Variants in PTGER4 observed in about 807,000 individuals in gnomAD.
The protein encoded by PTGER4 is prostaglandin E2 receptor EP4 subtype.
Under a neutral mutation model 33.2 loss-of-function variants are expected in PTGER4, and 11 were observed. The observed-to-expected ratio is 0.33, with a 90% CI of 0.21 to 0.55. The LOEUF (loss-of-function observed/expected upper bound fraction) is 0.55, where lower values mean the gene tolerates loss of function less well. Among genes scored for constraint, PTGER4 ranks in the 20% least tolerant of loss-of-function variants. The pLI, the probability that PTGER4 is intolerant of heterozygous loss-of-function variation, is 0.92. For missense variants in PTGER4, 481 were observed against 650.2 expected (o/e 0.74, Z 2.83); for synonymous variants, 275 against 281.5 (o/e 0.98, Z 0.23).
At chr5:40,726,646 T>C in the PTGER4 span, among the ~76,000 whole-genome samples, 2 of 152,014 alleles carry the variant, frequency 1.3e-5, no homozygotes, top group Non-Finnish European at 2.9e-5. Flanking sequence ...GGTACTCTTA[T>C]TCAAAAAAAT....
chr5:40,695,079 C>T (rs1236380566), downstream of PTGER4, among the ~76,000 whole-genome samples: 1 of 142,150 alleles, frequency 7.0e-6, no homozygotes, highest in East Asian at 2.5e-4. Flanking sequence ...CCGATTAGAT[C>T]AAGTGTGTTA....
downstream of PTGER4, among the ~76,000 whole-genome samples, chr5:40,697,151 A>T (rs1006001212): frequency 7.7e-6 from 1 of 130,716 alleles, no homozygotes; most frequent in Non-Finnish European, 1.7e-5. Flanking sequence ...GGAAAGAAAG[A>T]GAAAGAAAGA....
rs149023642 is a variant in PTGER4 at position 40,685,946 on chromosome 5, T to TA, written c.867+4095dup. 5.1e-3 allele frequency among the ~76,000 whole-genome samples: 763 copies of TA among 151,066 alleles called. 9 individuals are homozygous for TA. The highest frequency in any genetic ancestry group is 7.1e-3 in the South Asian group (34 of 4,756). ...TGTGAGAGCTTTAAAAACAAACAAA[T>TA]AAAAAAAAACAGAAACTTTCAGTGT... On this transcript the variant is annotated intron_variant, in intron 2 of 2. Transcript: ENST00000302472.
rs1741505974 is a variant in PTGER4, at chr5:40,692,707, T to C, written c.*329T>C. 9.5e-7 allele frequency: 1 copy of C among 1,057,304 alleles called. No homozygotes were observed. Among genetic ancestry groups the C allele is most frequent in the Non-Finnish European group, 1.1e-6 (1 of 874,876 alleles). 65.5% of individuals were successfully genotyped at this position (1,057,304 alleles called of 1,614,324 possible). A position where few individuals can be genotyped will look rare whatever the true frequency, so the allele number is the denominator to read the frequency against. On this transcript the variant is annotated 3_prime_UTR_variant, in exon 3 of 3. Transcript: ENST00000302472. The stretch of plus-strand genomic sequence containing the variant: ...CATAACATCCAGAGCTTTGTCGTAT[T>C]TGGCACACAGCAGAGGCCCAGATAT...
chr5:40,720,386 A>G, the PTGER4 span, among the ~76,000 whole-genome samples: 3 of 152,184 alleles, frequency 2.0e-5, no homozygotes, highest in African/African-American at 7.2e-5. Flanking sequence ...TTTCAGTTCT[A>G]TCCCACTGAT....
Position 40,692,533 on chromosome 5 carries a change from A to C in PTGER4, c.*155A>C. The C allele has an allele frequency of 7.0e-7, 1 of 1,434,484 alleles. No homozygotes were observed. Among genetic ancestry groups the C allele is most frequent in the Non-Finnish European group, 9.1e-7 (1 of 1,099,412 alleles). The allele number at this position is 1,434,484 out of a possible 1,614,324, so 88.9% of individuals were successfully genotyped here. The stretch of plus-strand genomic sequence containing the variant: ...CTGGCTTTTGAGCACTTTTCAAACA[A>C]TCAAGTTGACTCACGTGGGTCCTGA... On this transcript the variant is annotated 3_prime_UTR_variant, in exon 3 of 3. Transcript: ENST00000302472.
At position 40,693,083 on chromosome 5, in the gene PTGER4, A is replaced by T; in HGVS notation, c.*705A>T. On this transcript the variant is annotated 3_prime_UTR_variant, in exon 3 of 3. Transcript: ENST00000302472. ...GATAAAGAAAAAAATACTATTTAAG[A>T]TGTGAAAATTACAGTCCAAAATACT... 1 of 932,152 alleles carries T rather than the reference A, an allele frequency of 1.1e-6. No homozygotes were observed. 57.7% of individuals were successfully genotyped at this position (932,152 alleles called of 1,614,324 possible).
chr5:40,681,234 A>T lies in PTGER4; in HGVS notation c.241A>T (p.Met81Leu), dbSNP rs377709289. 1 of 1,614,020 alleles carries T rather than the reference A, an allele frequency of 6.2e-7. No individual in the cohort carries two copies. Among genetic ancestry groups the T allele is most frequent in the Non-Finnish European group, 8.5e-7 (1 of 1,180,038 alleles). The stretch of plus-strand genomic sequence containing the variant: ...GAGCCCGGTGACCATCGCCACGTAC[A>T]TGAAGGGCCAATGGCCCGGGGGCCA... ...LVSPVTIATY[M>L]KGQWPGGQPL... Residue 81 changes from methionine (M) to leucine (L), a missense_variant, in exon 2 of 3, where the codon ATG (methionine) becomes TTG (leucine). Coordinates refer to ENST00000302472, the MANE Select transcript of PTGER4 (RefSeq NM_000958.3). The surrounding 1 kb of genome is among the most constrained non-coding windows in gnomAD (Gnocchi z 9.8).
At position 40,681,996 on chromosome 5, in the gene PTGER4, ACT is replaced by A. The variant is rs1741208323; in HGVS notation, c.867+137_867+138del. 2 of 1,179,238 alleles carry A rather than the reference ACT, an allele frequency of 1.7e-6. No homozygotes were observed. Among genetic ancestry groups the A allele is most frequent in the Admixed American group, 3.3e-5 (1 of 30,720 alleles). 73.0% of individuals were successfully genotyped at this position (1,179,238 alleles called of 1,614,324 possible). On this transcript the variant is annotated intron_variant, in intron 2 of 2. Coordinates refer to ENST00000302472, the MANE Select transcript of PTGER4 (RefSeq NM_000958.3). The surrounding 1 kb of genome is among the most constrained non-coding windows in gnomAD (Gnocchi z 9.8). ...TTTAGGTCGGGGCTGGGATTCCCAC[ACT>A]GTTTCTCAGAGCAGGCCCAACCCTC...
the PTGER4 span, among the ~76,000 whole-genome samples, chr5:40,728,107 C>A: frequency 6.6e-6 from 1 of 151,680 alleles, no homozygotes; most frequent in African/African-American, 2.4e-5. Flanking sequence ...CATGGTGACA[C>A]CCCGTCTCTA....
Position 40,680,939 on chromosome 5 carries a change from T to C in PTGER4, c.-43-12T>C. On this transcript the variant is annotated splice_polypyrimidine_tract_variant and intron_variant, in intron 1 of 2. Transcript: ENST00000302472. This position sits in a 1 kb window ranked among gnomAD's most constrained non-coding sequence, Gnocchi z 5.5. The stretch of plus-strand genomic sequence containing the variant: ...GCTCACGGCAGCTTTGTCTCTCTTC[T>C]ACCATCCCCAGACCCAGCCTTGCAC... The C allele has an allele frequency of 6.5e-7, 1 of 1,549,188 alleles. No homozygotes were observed. Among genetic ancestry groups the C allele is most frequent in the Non-Finnish European group, 8.7e-7 (1 of 1,148,672 alleles).
chr5:40,730,168 T>G, the PTGER4 span: 1 of 907,500 alleles, frequency 1.1e-6, no homozygotes, highest in Non-Finnish European at 1.7e-6. Flanking sequence ...TAAAAGAAAA[T>G]GGGAGAAAAT....
At chr5:40,721,297 A>G in the PTGER4 span, among the ~76,000 whole-genome samples, 164 of 152,336 alleles carry the variant, frequency 1.1e-3, 1 homozygote, top group East Asian at 0.026. Context: ...TAAATGGACA[A>G]AATCAATTTT....
the PTGER4 span, among the ~76,000 whole-genome samples, chr5:40,735,928 T>TG: frequency 6.6e-6 from 1 of 152,028 alleles, no homozygotes; most frequent in Non-Finnish European, 1.5e-5. Flanking sequence ...CATCAAGAAA[T>TG]GGAGTTTGTA....
In PTGER4 at chr5:40,681,568, G is replaced by C. The variant is rs2111783691; in HGVS notation, c.575G>C (p.Ser192Thr). The C allele has an allele frequency of 1.2e-6, 2 of 1,611,150 alleles. No homozygotes were observed. Among genetic ancestry groups the C allele is most frequent in the East Asian group, 2.2e-5 (1 of 44,852 alleles). ...AAYSYMYAGF[S>T]SFLILATVLC... ...TACTCCTACATGTACGCGGGCTTCA[G>C]CTCCTTCCTCATTCTCGCCACCGTC... Residue 192 changes from serine (S) to threonine (T), a missense_variant, in exon 2 of 3, where the codon AGC (serine) becomes ACC (threonine). By Grantham distance (58) the Ser-to-Thr change is moderately conservative. Around this residue, in one of 7 missense-constraint regions of PTGER4, gnomAD observed 174 missense variants for 210.5 expected, o/e 0.83. Transcript: ENST00000302472. The surrounding 1 kb of genome is among the most constrained non-coding windows in gnomAD (Gnocchi z 9.8).
At chr5:40,705,039 A>G in the PTGER4 span, among the ~76,000 whole-genome samples, 2 of 152,302 alleles carry the variant, frequency 1.3e-5, no homozygotes, top group Admixed American at 6.5e-5. Flanking sequence ...CAAAAAGAAC[A>G]AAGCTGGAGG....
At chr5:40,717,256 T>G in the PTGER4 span, among the ~76,000 whole-genome samples, 2 of 146,354 alleles carry the variant, frequency 1.4e-5, no homozygotes, top group African/African-American at 5.0e-5. Context: ...AAGATTTACA[T>G]GTATTAACTC....
At chr5:40,712,569 T>C in the PTGER4 span, among the ~76,000 whole-genome samples, 1 of 152,180 alleles carries the variant, frequency 6.6e-6, no homozygotes, top group Admixed American at 6.5e-5. Context: ...GCATGGGCAG[T>C]TCTGCACAAG....
In PTGER4 at chr5:40,692,838, G is replaced by A. The variant is rs16870224; in HGVS notation, c.*460G>A. The A allele has an allele frequency of 0.11, 110,040 of 985,214 alleles. 6,500 individuals carry two copies. Among genetic ancestry groups the A allele is most frequent in the East Asian group, 0.25 (2,212 of 8,940 alleles). 61.0% of individuals were successfully genotyped at this position (985,214 alleles called of 1,614,324 possible). A position where few individuals can be genotyped will look rare whatever the true frequency, so the allele number is the denominator to read the frequency against. On this transcript the variant is annotated 3_prime_UTR_variant, in exon 3 of 3. Transcript: ENST00000302472. ...TTTTATTGTTGTACATACGATTTAA[G>A]GTATTTAAAGTATTTTCTTCTCTGT...
Sources: allele counts gnomAD v4.1 joint callset (sites outside exome capture counted in the v4.1 genomes callset), GRCh38; gene constraint gnomAD v4.1.1; regional missense constraint gnomAD v4.1.1; non-coding constraint Gnocchi (gnomAD v3.1); transcripts MANE v1.5; gene names NCBI Gene and HGNC (gene_info 2026-07-23, HGNC 2026-07-21).